The following DZANK1 variants were observed in gnomAD, a reference collection of about 807,000 sequenced individuals.
The protein encoded by DZANK1 is double zinc ribbon and ankyrin repeat-containing protein 1.
Under a neutral mutation model 94.5 loss-of-function variants are expected in DZANK1, and 91 were observed. That is an observed-to-expected ratio of 0.96 (90% confidence interval 0.81 to 1.15). The LOEUF (loss-of-function observed/expected upper bound fraction) is 1.15, where lower values mean the gene tolerates loss of function less well. Among genes scored for constraint, DZANK1 ranks in the 50% most tolerant of loss-of-function variants. The probability of loss-of-function intolerance (pLI) is 0.00; values close to 1 mark genes in which losing one functional copy is unlikely to be tolerated. For missense variants in DZANK1, 903 were observed against 916.4 expected (o/e 0.99, Z 0.19); for synonymous variants, 312 against 325.3 (o/e 0.96, Z 0.44).
rs547339580 is a variant in DZANK1, at chr20:18,449,851, A to G, written c.544-782T>C. ...CCCAGCACCTTGGGAGGCAGAGGTG[A>G]GCAGATCACCTGAGGTCGGGAGTTC... is the stretch of plus-strand genomic sequence containing the variant. On this transcript the variant is annotated intron_variant, in intron 6 of 20. Coordinates refer to ENST00000262547, the Ensembl canonical transcript of DZANK1. Among the ~76,000 whole-genome samples, 300 of 151,772 alleles carry G rather than the reference A, an allele frequency of 2.0e-3. 2 individuals are homozygous for G. Among genetic ancestry groups the G allele is most frequent in the Non-Finnish European group, 3.6e-3 (244 of 67,952 alleles).
chr20:18,385,801 C>T (rs114153878), intron 19 of DZANK1, among the ~76,000 whole-genome samples: 1,552 of 152,190 alleles, frequency 0.01, 29 homozygotes, highest in African/African-American at 0.036. Flanking sequence ...GTTGGGCTTA[C>T]ATGATATGAA....
At chr20:18,432,864 A>T (rs1165894121) in intron 9 of DZANK1, 2 of 152,226 alleles carry the variant, frequency 1.3e-5, no homozygotes, top group Non-Finnish European at 2.9e-5. Flanking sequence ...TATCAAAAAA[A>T]TGTTCACAGT....
intron 6 of DZANK1, among the ~76,000 whole-genome samples, chr20:18,451,161 G>T (rs950315853): frequency 6.6e-6 from 1 of 152,090 alleles, no homozygotes; most frequent in Non-Finnish European, 1.5e-5. Flanking sequence ...GGCCAGGCTG[G>T]TCTCGAACTC....
chr20:18,399,234 T>C (rs1275258125), intron 13 of DZANK1, among the ~76,000 whole-genome samples: 6 of 152,318 alleles, frequency 3.9e-5, no homozygotes, highest in Non-Finnish European at 8.8e-5. Context: ...TAATATTTTA[T>C]TTTATTTATT....
rs181713357 is a variant in DZANK1 at position 18,443,368 on chromosome 20, G to A, written c.726C>T (p.Leu242=). The A allele has an allele frequency of 8.5e-4, 1,311 of 1,550,480 alleles. 1 individual carries two copies. Among genetic ancestry groups the A allele is most frequent in the Non-Finnish European group, 1.1e-3 (1,252 of 1,146,772 alleles). The change falls in exon 8 of 21, where the codon CTC becomes CTT. Residue 242 remains leucine (L), a synonymous_variant. Transcript: ENST00000262547. ...TCACCTGAGCTCCTTCTGGGGGTGGGAGACGACAGCCAAATATGGGTGGGA... is the reference window on the plus strand; with the variant it reads ...TCACCTGAGCTCCTTCTGGGGGTGGAAGACGACAGCCAAATATGGGTGGGA...
At chr20:18,411,470 A>G (rs2057253281) in intron 13 of DZANK1, among the ~76,000 whole-genome samples, 1 of 152,220 alleles carries the variant, frequency 6.6e-6, no homozygotes, top group Non-Finnish European at 1.5e-5. Context: ...GACCTATAAA[A>G]AGTAAAGAGT....
chr20:18,433,674 G>A, exon 9 of DZANK1: 1 of 1,613,930 alleles, frequency 6.2e-7, no homozygotes, highest in Non-Finnish European at 8.5e-7. Context: ...GCTTGCCTGT[G>A]GCTGCAGCTG....
intron 2 of DZANK1, among the ~76,000 whole-genome samples, chr20:18,461,554 T>C (rs1009725761): frequency 1.3e-5 from 2 of 152,094 alleles, no homozygotes; most frequent in African/African-American, 4.8e-5. Context: ...AAGACAAATA[T>C]GTAGAACTAG....
chr20:18,453,358 T>G (rs1316675980), intron 5 of DZANK1, among the ~76,000 whole-genome samples: 3 of 152,156 alleles, frequency 2.0e-5, no homozygotes, highest in Admixed American at 2.0e-4. Context: ...GGTCCATACC[T>G]GATGCTGATC....
chr20:18,437,293 A>G (rs189866664), intron 8 of DZANK1, among the ~76,000 whole-genome samples: 1 of 152,334 alleles, frequency 6.6e-6, no homozygotes, highest in East Asian at 1.9e-4. Flanking sequence ...AAAAGAAAGA[A>G]AGGGGCCGGG....
chr20:18,404,086 G>A (rs567546806), intron 13 of DZANK1, among the ~76,000 whole-genome samples: 32 of 151,956 alleles, frequency 2.1e-4, no homozygotes, highest in East Asian at 5.8e-4. Flanking sequence ...CCACCGCGCC[G>A]GGCCACAGAT....
chr20:18,453,202 A>G (rs780408095), intron 5 of DZANK1, among the ~76,000 whole-genome samples: 1 of 152,168 alleles, frequency 6.6e-6, no homozygotes, highest in Non-Finnish European at 1.5e-5. Flanking sequence ...TGCCTGGGGA[A>G]TCTAGGCCAC....
At chr20:18,430,760 G>A (rs2058251265) in intron 9 of DZANK1, among the ~76,000 whole-genome samples, 1 of 152,172 alleles carries the variant, frequency 6.6e-6, no homozygotes, top group East Asian at 1.9e-4. Flanking sequence ...GCTGCAATGA[G>A]CCATGATCGT....
intron 12 of DZANK1, among the ~76,000 whole-genome samples, chr20:18,413,623 T>C (rs1035984066): frequency 4.0e-5 from 6 of 151,732 alleles, no homozygotes; most frequent in African/African-American, 1.2e-4. Context: ...CTACTAAAAA[T>C]ACAAAAATTA....
At chr20:18,406,851 TCAC>T (rs1369290427) in intron 13 of DZANK1, among the ~76,000 whole-genome samples, 4 of 152,212 alleles carry the variant, frequency 2.6e-5, no homozygotes, top group Admixed American at 2.6e-4. Context: ...CTGGAAGCAT[TCAC>T]CACAAGCTAA....
intron 14 of DZANK1, among the ~76,000 whole-genome samples, chr20:18,396,766 T>C (rs2056366719): frequency 6.6e-6 from 1 of 152,144 alleles, no homozygotes; most frequent in East Asian, 1.9e-4. Context: ...ATATCTAAAC[T>C]CTACTAATTA....
rs370540179 is a variant in DZANK1 at position 18,390,501 on chromosome 20, T to C, written c.1810-42A>G. ...TGTGGTCATTTCCCCCACTTCAAAA[T>C]ATTCACTCAAGGCAAACACTTTCTT... is the stretch of plus-strand genomic sequence containing the variant. On this transcript the variant is annotated intron_variant, in intron 17 of 20. Transcript: ENST00000262547. 3.2e-6 allele frequency: 5 copies of C among 1,579,014 alleles called. No individual in the cohort carries two copies. The African/African-American group carries it at 5.4e-5, about 17-fold the overall frequency.
At chr20:18,411,806 G>A (rs937988711) in intron 13 of DZANK1, among the ~76,000 whole-genome samples, 1 of 152,154 alleles carries the variant, frequency 6.6e-6, no homozygotes, top group African/African-American at 2.4e-5. Flanking sequence ...CTCACATTCT[G>A]GAAGCTAGAA....
At chr20:18,409,678 A>C (rs1194827527) in intron 13 of DZANK1, among the ~76,000 whole-genome samples, 2 of 152,168 alleles carry the variant, frequency 1.3e-5, no homozygotes, top group African/African-American at 4.8e-5. Context: ...CAACAGATTC[A>C]AAAAGAGAGT....
Sources: allele counts gnomAD v4.1 joint callset (sites outside exome capture counted in the v4.1 genomes callset), GRCh38; gene constraint gnomAD v4.1.1; transcripts MANE v1.5; gene names NCBI Gene and HGNC (gene_info 2026-07-23, HGNC 2026-07-21).